Variants in GPR63 observed in about 807,000 individuals in gnomAD.
GPR63 encodes probable G protein-coupled receptor 63.
Under a neutral mutation model 23.1 loss-of-function variants are expected in GPR63, and 12 were observed. The ratio of observed to expected loss-of-function variants is 0.52; its 90% CI spans 0.33 to 0.84. The LOEUF (loss-of-function observed/expected upper bound fraction) is 0.84, where lower values mean the gene tolerates loss of function less well. Among genes scored for constraint, GPR63 ranks in the 40% least tolerant of loss-of-function variants. The probability of loss-of-function intolerance (pLI) is 0.02; values close to 1 mark genes in which losing one functional copy is unlikely to be tolerated. For missense variants in GPR63, 472 were observed against 515.6 expected, an observed-to-expected ratio of 0.92 and a Z score of 0.82; for synonymous variants, 172 against 191.1, an observed-to-expected ratio of 0.90 and a Z score of 0.82.
chr6:96,836,115 A>AAACAGG (rs1467914510), intron 1 of GPR63, among the ~76,000 whole-genome samples: 3 of 152,158 alleles, frequency 2.0e-5, no homozygotes, highest in African/African-American at 7.2e-5. Flanking sequence ...TGAATAAGGC[A>AAACAGG]AACAGGAATA....
In GPR63 at chr6:96,799,807, G is replaced by C. The variant is rs1324780380; in HGVS notation, c.-76C>G. The C allele has an allele frequency of 6.9e-7, 1 of 1,444,424 alleles. No homozygotes were observed. The highest frequency in any genetic ancestry group is 9.7e-7 in the Non-Finnish European group (1 of 1,027,566). The allele number at this position is 1,444,424 out of a possible 1,614,324, so 89.5% of individuals were successfully genotyped here. Reference sequence around the variant, plus strand: ...ATTTCAACACAGAACAGCAGTATCAGGTCCCATTGATGGGCTTGGAAATAC... The same window carrying C: ...ATTTCAACACAGAACAGCAGTATCACGTCCCATTGATGGGCTTGGAAATAC... On this transcript the variant is annotated 5_prime_UTR_variant, in exon 2 of 2. Transcript: ENST00000229955.
At chr6:96,826,584 C>A (rs1774444177) in intron 1 of GPR63, among the ~76,000 whole-genome samples, 1 of 151,998 alleles carries the variant, frequency 6.6e-6, no homozygotes, top group African/African-American at 2.4e-5. Flanking sequence ...GAATAACAAA[C>A]ATATTCTATT....
At chr6:96,832,484 G>A (rs1774613199) in intron 1 of GPR63, among the ~76,000 whole-genome samples, 1 of 150,952 alleles carries the variant, frequency 6.6e-6, no homozygotes, top group African/African-American at 2.4e-5. Context: ...TATTTCCCAG[G>A]CTGGTCTCCA....
intron 1 of GPR63, among the ~76,000 whole-genome samples, chr6:96,817,510 G>A (rs1202843698): frequency 1.3e-5 from 2 of 151,992 alleles, no homozygotes; most frequent in African/African-American, 4.8e-5. Flanking sequence ...CCTGAGTAAT[G>A]AACAGAAATA....
At chr6:96,800,803 A>G (rs1457609366) in intron 1 of GPR63, among the ~76,000 whole-genome samples, 1 of 152,232 alleles carries the variant, frequency 6.6e-6, no homozygotes, top group African/African-American at 2.4e-5. Flanking sequence ...AGAATATGTC[A>G]ACCAAATAAC....
In GPR63 at chr6:96,797,497, G is replaced by A. The variant is rs1020945539; in HGVS notation, c.*975C>T. The A allele has an allele frequency of 6.6e-6, 1 of 152,104 alleles. No individual in the cohort carries two copies. The allele number at this position is 152,104 out of a possible 1,614,324, so 9.4% of individuals were successfully genotyped here. A position where few individuals can be genotyped will look rare whatever the true frequency, so the allele number is the denominator to read the frequency against. ...CCAGCTCTACCACTAACCTTGGGCA[G>A]GATTTTAGTCCCTCTGAGACCTGCT... On this transcript the variant is annotated 3_prime_UTR_variant, in exon 2 of 2. Transcript: ENST00000229955.
At chr6:96,800,695 A>G (rs1046163090) in intron 1 of GPR63, among the ~76,000 whole-genome samples, 1 of 152,116 alleles carries the variant, frequency 6.6e-6, no homozygotes, top group Non-Finnish European at 1.5e-5. Flanking sequence ...TCCCAAGTCC[A>G]CTGACTTTCA....
Position 96,798,733 on chromosome 6 carries a change from G to GT in GPR63, c.998dup (p.Tyr333Ter), listed in dbSNP as rs779104664. Residue 333 changes from tyrosine to a stop codon, truncating the protein, a stop_gained and frameshift_variant, in exon 2 of 2, where the codon TAC (tyrosine) becomes TAAC (stop). Coordinates refer to ENST00000229955, the MANE Select transcript of GPR63 (RefSeq NM_030784.4). LOFTEE classifies it high-confidence loss of function. Reference sequence around the variant, plus strand: ...GCTTACTGAATGTTGCCACAAGGCTGTAAGTGGTGAATGGGGCCCAGCAGA... The same window carrying GT: ...GCTTACTGAATGTTGCCACAAGGCTGTTAAGTGGTGAATGGGGCCCAGCAGA... ...FIVCWAPFTT[Y>*]SLVATFSKHF... The GT allele has an allele frequency of 1.2e-6, 2 of 1,614,210 alleles. No individual in the cohort carries two copies. Among genetic ancestry groups the GT allele is most frequent in the East Asian group, 4.5e-5 (2 of 44,882 alleles).
At chr6:96,833,194 C>T (rs1390401942) in intron 1 of GPR63, among the ~76,000 whole-genome samples, 2 of 152,146 alleles carry the variant, frequency 1.3e-5, no homozygotes, top group African/African-American at 2.4e-5. Flanking sequence ...GCCCACTTAC[C>T]TGAACATTTT....
intron 1 of GPR63, among the ~76,000 whole-genome samples, chr6:96,819,900 C>T (rs555213377): frequency 4.2e-4 from 60 of 141,582 alleles, no homozygotes; most frequent in Non-Finnish European, 6.5e-4. Flanking sequence ...GGCGTCGACC[C>T]GGGAGGCGGA....
At chr6:96,835,652 A>T (rs1439418835) in intron 1 of GPR63, among the ~76,000 whole-genome samples, 1 of 152,174 alleles carries the variant, frequency 6.6e-6, no homozygotes, top group African/African-American at 2.4e-5. Flanking sequence ...TTTTTCTCCA[A>T]GAATGTTCAG....
intron 1 of GPR63, among the ~76,000 whole-genome samples, chr6:96,801,215 T>C (rs1322601397): frequency 6.6e-6 from 1 of 151,866 alleles, no homozygotes. Flanking sequence ...CATTGATTTT[T>C]TTTTTTTTTT....
intron 1 of GPR63, among the ~76,000 whole-genome samples, chr6:96,818,216 C>T (rs1774212195): frequency 6.6e-6 from 1 of 151,966 alleles, no homozygotes; most frequent in Non-Finnish European, 1.5e-5. Flanking sequence ...AATCCCAGCA[C>T]TTTAGGAGGC....
At chr6:96,824,607 A>T (rs565064927) in intron 1 of GPR63, among the ~76,000 whole-genome samples, 39 of 151,640 alleles carry the variant, frequency 2.6e-4, no homozygotes, top group Non-Finnish European at 5.4e-4. Context: ...AAAAAAAAAA[A>T]GTCTTAAAAC....
chr6:96,805,647 A>T (rs907766436), intron 1 of GPR63, among the ~76,000 whole-genome samples: 1 of 152,104 alleles, frequency 6.6e-6, no homozygotes, highest in African/African-American at 2.4e-5. Flanking sequence ...GAACAGACAA[A>T]CTCAGCAGAT....
intron 1 of GPR63, among the ~76,000 whole-genome samples, chr6:96,805,538 T>C (rs1773874328): frequency 6.6e-6 from 1 of 152,160 alleles, no homozygotes; most frequent in East Asian, 1.9e-4. Context: ...CAGGAGTTTA[T>C]GGAAATCACA....
chr6:96,822,053 TAAAA>T (rs563881785), intron 1 of GPR63, among the ~76,000 whole-genome samples: 1 of 146,976 alleles, frequency 6.8e-6, no homozygotes, highest in African/African-American at 2.5e-5. Context: ...CACACACACT[TAAAA>T]AAAAAAATCA....
At chr6:96,809,383 T>G (rs1329474976) in intron 1 of GPR63, among the ~76,000 whole-genome samples, 1 of 152,156 alleles carries the variant, frequency 6.6e-6, no homozygotes, top group Admixed American at 6.6e-5. Context: ...AGCACCACAT[T>G]ACAACTTAGA....
chr6:96,817,503 G>C (rs1447189040), intron 1 of GPR63, among the ~76,000 whole-genome samples: 1 of 152,064 alleles, frequency 6.6e-6, no homozygotes, highest in Non-Finnish European at 1.5e-5. Context: ...TCCCACTCCT[G>C]AGTAATGAAC....
Sources: gnomAD v4.1 joint callset for allele counts (sites outside exome capture counted in the v4.1 genomes callset) on GRCh38, gnomAD v4.1.1 for gene constraint, MANE v1.5 for transcripts, NCBI Gene and HGNC (gene_info 2026-07-23, HGNC 2026-07-21) for gene names.